Variants in AP2A2 observed in about 807,000 individuals in gnomAD.
The protein encoded by AP2A2 is adaptor related protein complex 2 subunit alpha 2.
Under a neutral mutation model 104.2 loss-of-function variants are expected in AP2A2, and 32 were observed. The observed-to-expected ratio is 0.31, with a 90% CI of 0.23 to 0.41. AP2A2 has a LOEUF of 0.41. Among genes scored for constraint, AP2A2 ranks in the 10% least tolerant of loss-of-function variants. The pLI is 1.00. For missense variants in AP2A2, 912 were observed against 1,261.0 expected (o/e 0.72, Z 4.19); for synonymous variants, 539 against 533.3 (o/e 1.01, Z -0.15).
intron 1 of AP2A2, among the ~76,000 whole-genome samples, chr11:952,370 C>T (rs772049494): frequency 1.3e-5 from 2 of 152,198 alleles, no homozygotes. Flanking sequence ...CATTAACCAG[C>T]ATGCTGTTCC....
intron 2 of AP2A2, among the ~76,000 whole-genome samples, chr11:967,228 T>G (rs1009895590): frequency 6.6e-6 from 1 of 152,178 alleles, no homozygotes; most frequent in Non-Finnish European, 1.5e-5. Flanking sequence ...TTTTGTCACA[T>G]TTTATCGTCT....
intron 1 of AP2A2, among the ~76,000 whole-genome samples, chr11:945,974 G>A (rs910796177): frequency 1.3e-5 from 2 of 152,108 alleles, no homozygotes; most frequent in African/African-American, 4.8e-5. Flanking sequence ...AATCAACAGA[G>A]GCATGCATGC....
intron 14 of AP2A2, 108 bp downstream of exon 14, chr11:994,353 G>C: frequency 7.1e-7 from 1 of 1,408,720 alleles, no homozygotes; most frequent in East Asian, 2.4e-5. Flanking sequence ...TGAGAACCCA[G>C]GCTCTGGCTG....
chr11:958,994 G>A (rs1229207093), intron 1 of AP2A2, among the ~76,000 whole-genome samples: 2 of 152,226 alleles, frequency 1.3e-5, no homozygotes, highest in African/African-American at 4.8e-5. Context: ...AAAATTGAAA[G>A]CCTATAGTAG....
intron 1 of AP2A2, among the ~76,000 whole-genome samples, chr11:929,657 G>A (rs952358256): frequency 1.7e-4 from 26 of 152,298 alleles, no homozygotes; most frequent in South Asian, 6.2e-4. Context: ...TTAGCCAGGC[G>A]TGGTGGCACG....
intron 5 of AP2A2, 48 bp downstream of exon 5, chr11:977,272 G>A (rs911353367): frequency 1.3e-6 from 2 of 1,538,604 alleles, no homozygotes; most frequent in African/African-American, 2.8e-5. Flanking sequence ...GGTGACCTTT[G>A]GGATGGCCGT....
At position 992,251 on chromosome 11, in the gene AP2A2, C is replaced by T. The variant is rs1315776680; in HGVS notation, c.1270-252C>T. Among the ~76,000 whole-genome samples the T allele has an allele frequency of 6.6e-6, 1 of 152,158 alleles. No individual in the cohort carries two copies. The highest frequency in any genetic ancestry group is 1.9e-4 in the East Asian group (1 of 5,194). ...GAGAAGGGCCCAGGTGGGAGGTGGC[C>T]TGGCTGTGGCCGTGGCCTTCTGTGC... is the stretch of plus-strand genomic sequence containing the variant. On this transcript the variant is annotated intron_variant, in intron 10 of 21. Coordinates refer to ENST00000448903, the MANE Select transcript of AP2A2 (RefSeq NM_012305.4). This position sits in a 1 kb window ranked among gnomAD's most constrained non-coding sequence, Gnocchi z 6.4.
chr11:982,887 G>A (rs750751382), intron 6 of AP2A2, among the ~76,000 whole-genome samples: 58 of 151,986 alleles, frequency 3.8e-4, no homozygotes, highest in Non-Finnish European at 7.2e-4. Context: ...CTGACCTCAG[G>A]TGATCTGCCC....
chr11:976,405 A>C (rs1408555950), intron 4 of AP2A2, among the ~76,000 whole-genome samples: 3 of 152,110 alleles, frequency 2.0e-5, no homozygotes, highest in African/African-American at 4.8e-5. Context: ...TGATTCTGTT[A>C]AGCGCTTGGA....
intron 1 of AP2A2, chr11:940,664 C>T: frequency 2.7e-6 from 1 of 368,708 alleles, no homozygotes; most frequent in East Asian, 7.3e-5. Context: ...TGTGCATTGT[C>T]TCATTGCTTT....
In AP2A2 at chr11:1,010,572, A is replaced by G. The variant is rs1167095747; in HGVS notation, c.2767A>G (p.Ser923Gly). 1 of 1,597,500 alleles carries G rather than the reference A, an allele frequency of 6.3e-7. No individual in the cohort carries two copies. ...GATGTACCGGCTCACGCTGCGCACAAGTAAGGAAGCCGTTTCTCAGAGATT... is the reference window on the plus strand; with the variant it reads ...GATGTACCGGCTCACGCTGCGCACAGGTAAGGAAGCCGTTTCTCAGAGATT... Reference protein sequence around the residue: ...AQMYRLTLRTSKEAVSQRLCE... With the variant: ...AQMYRLTLRTGKEAVSQRLCE... The change falls in exon 22 of 22, where the codon AGT (serine) becomes GGT (glycine). Residue 923 changes from serine (S) to glycine (G), a missense_variant. Ser to Gly is a moderately conservative substitution (Grantham distance 56, BLOSUM62 0). Transcript: ENST00000448903.
Position 926,139 on chromosome 11 carries a change from G to A in AP2A2, c.67+51G>A, listed in dbSNP as rs901330388. 4 of 1,194,402 alleles carry A rather than the reference G, an allele frequency of 3.3e-6. No individual in the cohort carries two copies. In the South Asian group the frequency reaches 1.0e-4, roughly 30 times the overall value. The allele number at this position is 1,194,402 out of a possible 1,614,324, so 74.0% of individuals were successfully genotyped here. A position where few individuals can be genotyped will look rare whatever the true frequency, so the allele number is the denominator to read the frequency against. On this transcript the variant is annotated intron_variant, in intron 1 of 21. Coordinates refer to ENST00000448903, the MANE Select transcript of AP2A2 (RefSeq NM_012305.4). ...CGGGGCCGGGGCCGCCGGCGGAGACGGGGTCTGGGAGCGGAGGCCCGGGGC... is the reference window on the plus strand; with the variant it reads ...CGGGGCCGGGGCCGCCGGCGGAGACAGGGTCTGGGAGCGGAGGCCCGGGGC...
chr11:981,182 G>A lies in AP2A2; in HGVS notation c.604-16G>A. On this transcript the variant is annotated splice_polypyrimidine_tract_variant and intron_variant, in intron 5 of 21. Coordinates refer to ENST00000448903, the MANE Select transcript of AP2A2 (RefSeq NM_012305.4). ...GCTTCAAGTGTTCTGACTCTTGTGTGTGTGTTTTCTTTCAGGGTGTGGTAA... is the reference window on the plus strand; with the variant it reads ...GCTTCAAGTGTTCTGACTCTTGTGTATGTGTTTTCTTTCAGGGTGTGGTAA... 6.3e-7 allele frequency: 1 copy of A among 1,599,328 alleles called. No homozygotes were observed. The highest frequency in any genetic ancestry group is 8.5e-7 in the Non-Finnish European group (1 of 1,170,672).
chr11:1,000,378 G>A, intron 14 of AP2A2, 54 bp from the exon 15 acceptor site: 1 of 1,525,130 alleles, frequency 6.6e-7, no homozygotes, highest in Non-Finnish European at 8.8e-7. Context: ...AGCTGCCTGG[G>A]GTTGGCCAGG....
At position 971,878 on chromosome 11, in the gene AP2A2, G is replaced by A. The variant is rs1352598851; in HGVS notation, c.280-184G>A. On this transcript the variant is annotated intron_variant, in intron 3 of 21. Transcript: ENST00000448903. ...AGAGCATCGTAGCAGAGGCATCCTC[G>A]GTTCCACTGGAACAGACGTTTGCCG... Among the ~76,000 whole-genome samples, 4 of 152,136 alleles carry A rather than the reference G, an allele frequency of 2.6e-5. No homozygotes were observed. The East Asian group carries it at 5.8e-4, about 22-fold the overall frequency.
At position 994,417 on chromosome 11, in the gene AP2A2, C is replaced by T. The variant is rs146848383; in HGVS notation, c.1956+172C>T. On this transcript the variant is annotated intron_variant, in intron 14 of 21. Transcript: ENST00000448903. ...TGGGGGCCACTGTCCCTGCTGGACACGCTGCTGTCCTGTCCTGGGGGCCAC... is the reference window on the plus strand; with the variant it reads ...TGGGGGCCACTGTCCCTGCTGGACATGCTGCTGTCCTGTCCTGGGGGCCAC... Among the ~76,000 whole-genome samples the T allele has an allele frequency of 7.6e-4, 116 of 151,982 alleles. No homozygotes were observed. In the Middle Eastern group the frequency reaches 0.017, roughly 23 times the overall value.
chr11:992,654 T>C lies in AP2A2; in HGVS notation c.1421T>C (p.Val474Ala). 7 of 1,613,920 alleles carry C rather than the reference T, an allele frequency of 4.3e-6. No homozygotes were observed. Among genetic ancestry groups the C allele is most frequent in the Non-Finnish European group, 4.2e-6 (5 of 1,179,892 alleles). ...CAGATCGTCATCAACCGGGACGACG[T>C]GCAGGGCTACGCGGCCAAGACTGTG... ...VIQIVINRDD[V>A]QGYAAKTVFE... The change falls in exon 11 of 22, where the codon GTG (valine) becomes GCG (alanine). Residue 474 changes from valine (V) to alanine (A), a missense_variant. Transcript: ENST00000448903. The surrounding 1 kb of genome is among the most constrained non-coding windows in gnomAD (Gnocchi z 6.4).
chr11:977,511 C>G (rs4074235), intron 5 of AP2A2, among the ~76,000 whole-genome samples: 74,697 of 147,062 alleles, frequency 0.51, 19,631 homozygotes, highest in Middle Eastern at 0.67. Flanking sequence ...ATCTAGTATG[C>G]GGAGCTCCTG....
intron 1 of AP2A2, among the ~76,000 whole-genome samples, chr11:953,581 C>A (rs1564790365): frequency 6.6e-6 from 1 of 151,894 alleles, no homozygotes; most frequent in Non-Finnish European, 1.5e-5. Flanking sequence ...AGTGGCCTGC[C>A]TGGCAGCTGC....
Sources: gnomAD v4.1 joint callset for allele counts (sites outside exome capture counted in the v4.1 genomes callset) on GRCh38, gnomAD v4.1.1 for gene constraint, Gnocchi (gnomAD v3.1) non-coding constraint, MANE v1.5 for transcripts, NCBI Gene and HGNC (gene_info 2026-07-23, HGNC 2026-07-21) for gene names.